Variants in TENM1 observed in about 807,000 individuals in gnomAD.
The protein encoded by TENM1 is teneurin-1.
Under a neutral mutation model 174.8 loss-of-function variants are expected in TENM1, and 35 were observed. The ratio of observed to expected loss-of-function variants is 0.20; its 90% CI spans 0.15 to 0.27. TENM1 has a LOEUF of 0.27. Among genes scored for constraint, TENM1 ranks in the 10% least tolerant of loss-of-function variants. TENM1 has a pLI of 1.00. For missense variants in TENM1, 1,633 were observed against 2,130.1 expected (o/e 0.77, Z 4.59); for synonymous variants, 781 against 798.7 (o/e 0.98, Z 0.37).
At chrX:125,031,833 T>C in the TENM1 span, among the ~76,000 whole-genome samples, 1 of 112,064 alleles carries the variant, frequency 8.9e-6, no homozygotes, top group Non-Finnish European at 1.9e-5. Flanking sequence ...TTCCAACTTC[T>C]AGTACTTCAA....
chrX:124,976,078 T>A, the TENM1 span, among the ~76,000 whole-genome samples: 5 of 111,149 alleles, frequency 4.5e-5, no homozygotes, highest in Non-Finnish European at 9.4e-5. Context: ...GTTAAAGTTG[T>A]CAGCTTTCTT....
intron 18 of TENM1, among the ~76,000 whole-genome samples, chrX:124,519,364 T>C (rs765401873): frequency 2.7e-5 from 3 of 111,294 alleles, no homozygotes; most frequent in Non-Finnish European, 5.7e-5. Context: ...TTTAAATATA[T>C]GAGGGTCTCT....
At chrX:124,896,431 T>G (rs1263540724) in intron 1 of TENM1, among the ~76,000 whole-genome samples, 190 bp from the exon 5 acceptor site, 1 of 111,763 alleles carries the variant, frequency 8.9e-6, no homozygotes, top group Non-Finnish European at 1.9e-5. Flanking sequence ...AGCTTAAAAT[T>G]ATGCTCCTGT....
chrX:124,936,595 G>A (rs1369977018), intron 1 of TENM1, among the ~76,000 whole-genome samples: 1 of 112,046 alleles, frequency 8.9e-6, no homozygotes, highest in Non-Finnish European at 1.9e-5. Context: ...CACAATAGAT[G>A]TTCTCTATTT....
chrX:124,874,021 C>T (rs913513024), intron 3 of TENM1, among the ~76,000 whole-genome samples: 20 of 111,308 alleles, frequency 1.8e-4, no homozygotes, highest in African/African-American at 5.2e-4. Context: ...ATTCAAGTGG[C>T]TTCCTATTGA....
At chrX:125,121,002 G>A in the TENM1 span, among the ~76,000 whole-genome samples, 1 of 111,488 alleles carries the variant, frequency 9.0e-6, no homozygotes, top group African/African-American at 3.3e-5. Context: ...TATCATTAAA[G>A]TGGGGTTAAC....
the TENM1 span, among the ~76,000 whole-genome samples, chrX:124,999,960 C>A: frequency 9.0e-6 from 1 of 111,119 alleles, no homozygotes; most frequent in African/African-American, 3.3e-5. Flanking sequence ...TGGTAAGATT[C>A]AGTTAATGCA....
At chrX:124,983,926 T>C in the TENM1 span, among the ~76,000 whole-genome samples, 10 of 111,459 alleles carry the variant, frequency 9.0e-5, no homozygotes, top group Non-Finnish European at 1.9e-5. Flanking sequence ...ATAAGTGATA[T>C]GAAGATTTGA....
intron 22 of TENM1, among the ~76,000 whole-genome samples, chrX:124,462,095 G>T (rs1298884162): frequency 2.8e-5 from 3 of 107,674 alleles, no homozygotes; most frequent in Non-Finnish European, 5.7e-5. Flanking sequence ...TTCTTTCTGA[G>T]AACAGAGTTA....
chrX:125,188,544 A>G, the TENM1 span, among the ~76,000 whole-genome samples: 3 of 111,910 alleles, frequency 2.7e-5, no homozygotes, highest in African/African-American at 9.8e-5. Context: ...TATTTGAGGA[A>G]AAATCTCAGT....
intron 11 of TENM1, 51 bp downstream of exon 14, chrX:124,641,740 C>G (rs377445333): frequency 9.1e-7 from 1 of 1,100,933 alleles, no homozygotes; most frequent in Non-Finnish European, 1.3e-6. Context: ...AAGGAAGGAA[C>G]AGTTAGAATT....
At chrX:125,164,339 A>G in the TENM1 span, among the ~76,000 whole-genome samples, 6 of 111,526 alleles carry the variant, frequency 5.4e-5, no homozygotes, top group African/African-American at 2.0e-4. Flanking sequence ...TAAAATTCTC[A>G]ATTTACTCTT....
the TENM1 span, among the ~76,000 whole-genome samples, chrX:125,039,506 G>A: frequency 3.6e-5 from 4 of 110,368 alleles, no homozygotes; most frequent in South Asian, 1.2e-3. Flanking sequence ...TATTCTAATT[G>A]TCTTGCTAGT....
intron 28 of TENM1, 98 bp downstream of exon 31, chrX:124,391,954 T>G (rs1385256825): frequency 4.4e-6 from 3 of 685,812 alleles, no homozygotes; most frequent in Middle Eastern, 3.7e-4. Context: ...GAACACAGAC[T>G]TTTCTCCTGC....
chrX:124,441,732 C>T (rs780145278), intron 23 of TENM1, among the ~76,000 whole-genome samples: 67 of 112,162 alleles, frequency 6.0e-4, no homozygotes, highest in African/African-American at 2.1e-3. Context: ...GGCATGAGAA[C>T]GGTGAAAGAA....
chrX:124,429,978 GT>G (rs2060759677), intron 23 of TENM1, among the ~76,000 whole-genome samples: 1 of 111,813 alleles, frequency 8.9e-6, no homozygotes, highest in South Asian at 3.8e-4. Context: ...AACTGTGTGT[GT>G]TGAGGAGTCT....
At chrX:124,966,619 G>A (rs1377880654), upstream of TENM1, among the ~76,000 whole-genome samples, 9 of 102,849 alleles carry the variant, frequency 8.8e-5, no homozygotes, top group Non-Finnish European at 1.2e-4. Context: ...CCGAGATCGC[G>A]CCACTGCACT....
chrX:125,035,651 C>T, the TENM1 span, among the ~76,000 whole-genome samples: 1 of 111,661 alleles, frequency 9.0e-6, no homozygotes, highest in Non-Finnish European at 1.9e-5. Context: ...AGTGATAATG[C>T]TAGCAGTGAA....
chrX:124,872,150 A>G (rs776941500), intron 3 of TENM1, among the ~76,000 whole-genome samples: 82 of 110,603 alleles, frequency 7.4e-4, no homozygotes, highest in Non-Finnish European at 1.4e-3. Flanking sequence ...AGGTGAAAAC[A>G]GTGTAGAGAA....
Sources: allele counts gnomAD v4.1 joint callset (sites outside exome capture counted in the v4.1 genomes callset), GRCh38; gene constraint gnomAD v4.1.1; transcripts MANE v1.5; gene names NCBI Gene and HGNC (gene_info 2026-07-23, HGNC 2026-07-21).